Variants in MYO3B observed in about 807,000 individuals in gnomAD.
MYO3B encodes the protein myosin-IIIb.
In MYO3B, 156 loss-of-function variants were observed where a neutral mutation model predicts 174.6. The observed-to-expected ratio is 0.89, with a 90% confidence interval of 0.78 to 1.02. The LOEUF is 1.02. MYO3B is among the 50% of genes least tolerant of loss of function. The pLI, the probability that MYO3B is intolerant of heterozygous loss-of-function variation, is 0.00. For synonymous variants in MYO3B, 563 were observed against 569.1 expected (o/e 0.99, Z 0.15); for missense variants, 1,632 against 1,639.4 (o/e 1.00, Z 0.08).
intron 23 of MYO3B, among the ~76,000 whole-genome samples, chr2:170,446,446 C>G (rs1219018176): frequency 6.6e-6 from 1 of 152,150 alleles, no homozygotes; most frequent in Non-Finnish European, 1.5e-5. Flanking sequence ...TACCATGGCT[C>G]AGACCCTGCC....
rs1699203394 is a variant in MYO3B at position 170,654,940 on chromosome 2, A to G, written c.*1819A>G. On this transcript the variant is annotated 3_prime_UTR_variant, in exon 35 of 35. Coordinates refer to ENST00000408978, the MANE Select transcript of MYO3B (RefSeq NM_138995.5). ...ATTTTATTTTATTGTTTAAAAAATA[A>G]TGTGTAGAATATATAAATTTTTTAT... 2 of 152,184 alleles carry G rather than the reference A, an allele frequency of 1.3e-5. No homozygotes were observed. Among genetic ancestry groups the G allele is most frequent in the Admixed American group, 6.5e-5 (1 of 15,272 alleles). The allele number at this position is 152,184 out of a possible 1,614,324, so 9.4% of individuals were successfully genotyped here.
At chr2:170,463,035 CA>C (rs1490118267) in intron 23 of MYO3B, among the ~76,000 whole-genome samples, 2 of 152,200 alleles carry the variant, frequency 1.3e-5, no homozygotes, top group Admixed American at 6.5e-5. Flanking sequence ...GGCCCTTTGC[CA>C]AGTTTCCTTT....
chr2:170,532,142 A>C (rs575540593), intron 30 of MYO3B, among the ~76,000 whole-genome samples: 12 of 152,340 alleles, frequency 7.9e-5, no homozygotes, highest in African/African-American at 2.9e-4. Context: ...GAAGAAGACA[A>C]CATCACTTTT....
In MYO3B at chr2:170,297,247, A is replaced by G. The variant is rs72889487; in HGVS notation, c.750-38138A>G. On this transcript the variant is annotated intron_variant, in intron 7 of 34. Transcript: ENST00000408978. Reference sequence around the variant, plus strand: ...CTTAGAAAAAGATTTTTTCCCCCCAATACCCCTTCCATATTTTATAGGCCT... The same window carrying G: ...CTTAGAAAAAGATTTTTTCCCCCCAGTACCCCTTCCATATTTTATAGGCCT... Among the ~76,000 whole-genome samples the G allele has an allele frequency of 8.7e-3, 1,317 of 151,940 alleles. 15 individuals carry two copies. Among genetic ancestry groups the G allele is most frequent in the Non-Finnish European group, 0.014 (920 of 67,944 alleles).
intron 3 of MYO3B, among the ~76,000 whole-genome samples, chr2:170,200,514 A>T (rs1370154764): frequency 6.6e-6 from 1 of 152,220 alleles, no homozygotes; most frequent in Non-Finnish European, 1.5e-5. Context: ...CTTTTATTCT[A>T]GTACAGGGTG....
chr2:170,635,491 C>T (rs548311518), intron 32 of MYO3B, among the ~76,000 whole-genome samples: 61 of 152,238 alleles, frequency 4.0e-4, no homozygotes, highest in African/African-American at 1.4e-3. Flanking sequence ...GGAGGGATAG[C>T]ATTAGGAGAT....
At chr2:170,626,148 G>A (rs531286614) in intron 32 of MYO3B, among the ~76,000 whole-genome samples, 59 of 152,252 alleles carry the variant, frequency 3.9e-4, no homozygotes, top group South Asian at 1.7e-3. Flanking sequence ...AATGTTGACC[G>A]TGGGGTGTTG....
intron 32 of MYO3B, among the ~76,000 whole-genome samples, chr2:170,583,866 A>G (rs1426254875): frequency 2.0e-5 from 3 of 152,228 alleles, no homozygotes; most frequent in East Asian, 3.8e-4. Context: ...AATCTTTTCC[A>G]TCTTGAAGAT....
intron 8 of MYO3B, among the ~76,000 whole-genome samples, chr2:170,368,468 G>A (rs1297432850): frequency 6.6e-6 from 1 of 152,214 alleles, no homozygotes; most frequent in Non-Finnish European, 1.5e-5. Flanking sequence ...CACAGAAGGT[G>A]CAGCAAAATG....
intron 7 of MYO3B, among the ~76,000 whole-genome samples, chr2:170,316,437 T>C (rs1053209528): frequency 6.6e-6 from 1 of 152,232 alleles, no homozygotes; most frequent in Non-Finnish European, 1.5e-5. Flanking sequence ...TGAATACTCA[T>C]AAAATCTTCA....
At chr2:170,582,477 G>C (rs1693217849) in intron 32 of MYO3B, among the ~76,000 whole-genome samples, 1 of 152,136 alleles carries the variant, frequency 6.6e-6, no homozygotes, top group East Asian at 1.9e-4. Context: ...TCCCTGGTGA[G>C]GGGTGCTCTA....
intron 32 of MYO3B, among the ~76,000 whole-genome samples, chr2:170,563,116 A>T (rs1691841213): frequency 7.4e-6 from 1 of 134,630 alleles, no homozygotes; most frequent in African/African-American, 3.5e-5. Flanking sequence ...TCTCTCTCAC[A>T]CATACACACA....
intron 7 of MYO3B, among the ~76,000 whole-genome samples, chr2:170,242,581 G>T (rs1413885886): frequency 1.3e-5 from 2 of 152,172 alleles, no homozygotes; most frequent in African/African-American, 4.8e-5. Flanking sequence ...AGTCCTGGCA[G>T]GCAGGGAGAA....
intron 32 of MYO3B, among the ~76,000 whole-genome samples, chr2:170,611,917 T>C (rs576562234): frequency 6.6e-6 from 1 of 152,286 alleles, no homozygotes; most frequent in East Asian, 1.9e-4. Flanking sequence ...AATTTTTGAA[T>C]CCCATTTCCT....
At chr2:170,205,676 C>T (rs1015143212) in intron 3 of MYO3B, among the ~76,000 whole-genome samples, 2 of 152,144 alleles carry the variant, frequency 1.3e-5, no homozygotes, top group African/African-American at 2.4e-5. Context: ...ATCTCTCCCT[C>T]CCTTTTATCC....
chr2:170,309,468 C>T (rs1282566710), intron 7 of MYO3B, among the ~76,000 whole-genome samples: 1 of 152,146 alleles, frequency 6.6e-6, no homozygotes, highest in African/African-American at 2.4e-5. Context: ...ATCTTTTCTA[C>T]CTTAGCTAAT....
At chr2:170,337,573 A>G (rs756377378) in intron 8 of MYO3B, among the ~76,000 whole-genome samples, 3 of 152,150 alleles carry the variant, frequency 2.0e-5, no homozygotes, top group Non-Finnish European at 2.9e-5. Context: ...CAGAGATTGG[A>G]CTGTACACAA....
rs1052986200 is a variant in MYO3B, at chr2:170,198,455, T to C, written c.3-753T>C. ...CTGCATGTTGATATTCTTTCTGTTT[T>C]CCTCCTTCAGGAGGAAGGAACAAGA... On this transcript the variant is annotated intron_variant, in intron 1 of 34. Transcript: ENST00000408978. Among the ~76,000 whole-genome samples the C allele has an allele frequency of 1.1e-4, 16 of 152,164 alleles. 1 individual carries two copies. The highest frequency in any genetic ancestry group is 7.9e-4 in the Admixed American group (12 of 15,274).
At chr2:170,420,012 A>G (rs113283900) in intron 22 of MYO3B, among the ~76,000 whole-genome samples, 17,580 of 152,124 alleles carry the variant, frequency 0.12, 1,601 homozygotes, top group East Asian at 0.51. Flanking sequence ...GTGAAACCCC[A>G]TCTCTACTAA....
Sources: allele counts gnomAD v4.1 joint callset (sites outside exome capture counted in the v4.1 genomes callset), GRCh38; gene constraint gnomAD v4.1.1; transcripts MANE v1.5; gene names NCBI Gene and HGNC (gene_info 2026-07-23, HGNC 2026-07-21).